GALNT17: variants seen among roughly 807,000 people sequenced by gnomAD.
GALNT17 encodes UDP-GalNAc:polypeptide N-acetylgalactosaminyltransferase-like 3.
In GALNT17, 29 loss-of-function variants were observed where a neutral mutation model predicts 63.7. The ratio of observed to expected loss-of-function variants is 0.46; its 90% CI spans 0.34 to 0.62. The LOEUF is 0.62. Among genes scored for constraint, GALNT17 ranks in the 20% least tolerant of loss-of-function variants. The probability of loss-of-function intolerance (pLI) is 0.01; values close to 1 mark genes in which losing one functional copy is unlikely to be tolerated. For missense variants in GALNT17, 603 were observed against 799.6 expected, an observed-to-expected ratio of 0.75 and a Z score of 2.97; for synonymous variants, 305 against 318.3, an observed-to-expected ratio of 0.96 and a Z score of 0.45.
intron 6 of GALNT17, among the ~76,000 whole-genome samples, chr7:71,651,459 C>T (rs1033490150): frequency 6.6e-6 from 1 of 152,054 alleles, no homozygotes; most frequent in Non-Finnish European, 1.5e-5. Context: ...TGTGCCACCA[C>T]ACCCAGCTAA....
chr7:71,482,144 G>A (rs368056338), intron 5 of GALNT17, among the ~76,000 whole-genome samples: 1,988 of 116,804 alleles, frequency 0.017, 40 homozygotes, highest in African/African-American at 0.06. Context: ...ATAATGACAA[G>A]GATACATTTT....
intron 6 of GALNT17, among the ~76,000 whole-genome samples, chr7:71,596,163 C>G (rs893907222): frequency 6.6e-6 from 1 of 152,104 alleles, no homozygotes; most frequent in Non-Finnish European, 1.5e-5. Flanking sequence ...CTCAGCCTCC[C>G]AAGTAGCTGG....
chr7:71,230,728 G>A (rs772149392), intron 1 of GALNT17, among the ~76,000 whole-genome samples: 1 of 152,144 alleles, frequency 6.6e-6, no homozygotes, highest in African/African-American at 2.4e-5. Flanking sequence ...GGGAGGTTAG[G>A]AGGGCATCCA....
Position 71,321,202 on chromosome 7 carries a change from C to G in GALNT17, c.239-14348C>G, listed in dbSNP as rs1344697108. 2.6e-5 allele frequency among the ~76,000 whole-genome samples: 4 copies of G among 152,258 alleles called. No homozygotes were observed. In the East Asian group the frequency reaches 5.8e-4, roughly 22 times the overall value. Reference sequence around the variant, plus strand: ...TATTTCTTACCTGCTCCTAGATCAGCCTTTTTCCCCCTTGTGCAGCTTTAT... The same window carrying G: ...TATTTCTTACCTGCTCCTAGATCAGGCTTTTTCCCCCTTGTGCAGCTTTAT... On this transcript the variant is annotated intron_variant, in intron 1 of 10. Transcript: ENST00000333538.
intron 9 of GALNT17, among the ~76,000 whole-genome samples, chr7:71,693,934 C>T (rs576005023): frequency 1.2e-3 from 175 of 151,956 alleles, no homozygotes; most frequent in Non-Finnish European, 1.9e-3. Context: ...ACATTTGCTT[C>T]TCATTATTTT....
At chr7:71,539,435 G>A (rs1226046855) in intron 5 of GALNT17, among the ~76,000 whole-genome samples, 1 of 152,112 alleles carries the variant, frequency 6.6e-6, no homozygotes, top group African/African-American at 2.4e-5. Flanking sequence ...CTCTTCCTTT[G>A]AACAGCTTGG....
chr7:71,417,409 T>C (rs991464593), intron 4 of GALNT17, among the ~76,000 whole-genome samples: 1 of 152,160 alleles, frequency 6.6e-6, no homozygotes, highest in Non-Finnish European at 1.5e-5. Context: ...TTTGCTGTCA[T>C]CAAACCCTGG....
chr7:71,551,041 T>G (rs1314925212), intron 5 of GALNT17, among the ~76,000 whole-genome samples: 1 of 152,142 alleles, frequency 6.6e-6, no homozygotes, highest in Non-Finnish European at 1.5e-5. Context: ...TTATATCTTC[T>G]AATATTTCTT....
chr7:71,446,526 TC>T (rs1787162869), intron 5 of GALNT17, among the ~76,000 whole-genome samples: 1 of 152,200 alleles, frequency 6.6e-6, no homozygotes, highest in Non-Finnish European at 1.5e-5. Flanking sequence ...CTCTACCTAC[TC>T]TTTAGAGGTA....
Position 71,156,696 on chromosome 7 carries a change from G to GTCTC in GALNT17, c.238+23660_238+23663dup, listed in dbSNP as rs370886888. The stretch of plus-strand genomic sequence containing the variant: ...TCCCTCCCTCCCTTCCTTCCTCTCT[G>GTCTC]TCTCTCTGTCTCTCTCTCTCTCTTT... On this transcript the variant is annotated intron_variant, in intron 1 of 10. Transcript: ENST00000333538. Among the ~76,000 whole-genome samples, 1,140 of 118,982 alleles carry GTCTC rather than the reference G, an allele frequency of 9.6e-3. 25 individuals carry two copies. Among genetic ancestry groups the GTCTC allele is most frequent in the African/African-American group, 0.035 (1,069 of 30,888 alleles). The allele number at this position is 118,982 out of a possible 152,430, so 78.1% of individuals were successfully genotyped here. A position where few individuals can be genotyped will look rare whatever the true frequency, so the allele number is the denominator to read the frequency against.
chr7:71,388,689 G>A (rs1305594582), intron 3 of GALNT17, among the ~76,000 whole-genome samples: 1 of 151,872 alleles, frequency 6.6e-6, no homozygotes, highest in East Asian at 1.9e-4. Flanking sequence ...ACCACGCCTG[G>A]CTAATTTTTG....
chr7:71,591,213 T>G (rs1789795418), intron 6 of GALNT17, among the ~76,000 whole-genome samples: 2 of 151,514 alleles, frequency 1.3e-5, no homozygotes, highest in Non-Finnish European at 2.9e-5. Flanking sequence ...TGTGCTATCA[T>G]GCCGACTAAT....
At chr7:71,602,097 G>A (rs1789974839) in intron 6 of GALNT17, among the ~76,000 whole-genome samples, 1 of 152,100 alleles carries the variant, frequency 6.6e-6, no homozygotes, top group Non-Finnish European at 1.5e-5. Context: ...CTTCCCCCGG[G>A]GCCTGTCTTA....
chr7:71,146,801 G>A (rs1473689830), intron 1 of GALNT17, among the ~76,000 whole-genome samples: 2 of 152,214 alleles, frequency 1.3e-5, no homozygotes, highest in African/African-American at 4.8e-5. Context: ...TAACTGCAGA[G>A]TCTCAGCTTT....
chr7:71,627,305 T>C (rs1790388358), intron 6 of GALNT17, among the ~76,000 whole-genome samples: 1 of 152,212 alleles, frequency 6.6e-6, no homozygotes, highest in Admixed American at 6.5e-5. Flanking sequence ...TTACCCACAC[T>C]GGAGCAACAG....
intron 2 of GALNT17, among the ~76,000 whole-genome samples, chr7:71,379,038 C>T (rs2960868): frequency 2.5e-4 from 38 of 152,032 alleles, no homozygotes; most frequent in African/African-American, 3.4e-4. Context: ...AGCTCCTGAA[C>T]GCCTGCACTC....
intron 5 of GALNT17, among the ~76,000 whole-genome samples, chr7:71,461,256 C>T (rs1031168824): frequency 6.6e-6 from 1 of 152,190 alleles, no homozygotes; most frequent in African/African-American, 2.4e-5. Context: ...ATGCACACAT[C>T]ACTGTGAACA....
At chr7:71,446,448 A>G (rs1356937394) in intron 5 of GALNT17, among the ~76,000 whole-genome samples, 1 of 152,242 alleles carries the variant, frequency 6.6e-6, no homozygotes, top group Non-Finnish European at 1.5e-5. Flanking sequence ...CAAATAATGT[A>G]AAATTTATAT....
At chr7:71,388,829 A>G (rs1792999568) in intron 3 of GALNT17, among the ~76,000 whole-genome samples, 1 of 151,792 alleles carries the variant, frequency 6.6e-6, no homozygotes, top group Non-Finnish European at 1.5e-5. Flanking sequence ...GCCCGGCCCA[A>G]GATTTTTTTA....
Sources: gnomAD v4.1 joint callset for allele counts (sites outside exome capture counted in the v4.1 genomes callset) on GRCh38, gnomAD v4.1.1 for gene constraint, MANE v1.5 for transcripts, NCBI Gene and HGNC (gene_info 2026-07-23, HGNC 2026-07-21) for gene names.